The following DCLK1 variants were observed in gnomAD, a reference collection of about 807,000 sequenced individuals.
The protein encoded by DCLK1 is doublecortin like kinase 1.
Under a neutral mutation model 86.2 loss-of-function variants are expected in DCLK1, and 16 were observed. The observed-to-expected ratio is 0.19, with a 90% CI of 0.13 to 0.28. The LOEUF is 0.28. Ranked by LOEUF, DCLK1 falls within the 10% of genes least tolerant of loss-of-function variation. The pLI is 1.00. For missense variants in DCLK1, 590 were observed against 940.2 expected (o/e 0.63, Z 4.87); for synonymous variants, 369 against 370.5 (o/e 1.00, Z 0.05).
chr13:35,995,855 T>TTG (rs1365763060), intron 3 of DCLK1, among the ~76,000 whole-genome samples: 1 of 152,218 alleles, frequency 6.6e-6, no homozygotes, highest in Non-Finnish European at 1.5e-5. Flanking sequence ...AGCAATAAGA[T>TTG]TACAACAGTT....
intron 6 of DCLK1, chr13:35,850,745 A>T: frequency 6.2e-7 from 1 of 1,604,022 alleles, no homozygotes; most frequent in Non-Finnish European, 8.5e-7. Context: ...TACTGAATCC[A>T]AGTCATCCGA....
intron 3 of DCLK1, among the ~76,000 whole-genome samples, chr13:36,103,459 T>C (rs6563344): frequency 0.6 from 89,586 of 149,238 alleles, 27,434 homozygotes; most frequent in East Asian, 0.86. Context: ...TGAGCAAGGG[T>C]CATCTTCTCA....
intron 15 of DCLK1, among the ~76,000 whole-genome samples, chr13:35,793,838 A>G (rs1458536141): frequency 1.3e-5 from 2 of 152,208 alleles, no homozygotes; most frequent in Admixed American, 6.5e-5. Context: ...TTCAATGTGA[A>G]CATCTTCTTT....
intron 3 of DCLK1, among the ~76,000 whole-genome samples, chr13:36,078,961 G>C (rs1045059343): frequency 1.3e-5 from 2 of 152,100 alleles, no homozygotes; most frequent in Non-Finnish European, 2.9e-5. Flanking sequence ...GGGGGATGGT[G>C]GACAGATACT....
intron 3 of DCLK1, among the ~76,000 whole-genome samples, chr13:36,036,109 G>C (rs1440748026): frequency 6.6e-6 from 1 of 152,110 alleles, no homozygotes; most frequent in Non-Finnish European, 1.5e-5. Context: ...GCCCATCAGT[G>C]TGCCATGTCA....
chr13:35,939,224 C>T (rs1408404632), intron 4 of DCLK1, among the ~76,000 whole-genome samples: 5 of 152,094 alleles, frequency 3.3e-5, no homozygotes, highest in East Asian at 1.9e-4. Flanking sequence ...GCCCTGTATT[C>T]GGAACACAAA....
chr13:35,937,464 C>G (rs1256438761), intron 4 of DCLK1, among the ~76,000 whole-genome samples: 1 of 152,100 alleles, frequency 6.6e-6, no homozygotes, highest in African/African-American at 2.4e-5. Context: ...AGTCATCAAC[C>G]CTCCCCTTGT....
chr13:36,089,192 C>G (rs1015026289), intron 3 of DCLK1, among the ~76,000 whole-genome samples: 2 of 152,154 alleles, frequency 1.3e-5, no homozygotes, highest in Non-Finnish European at 2.9e-5. Flanking sequence ...GGCCTGATTT[C>G]TGCCCCATTT....
intron 3 of DCLK1, among the ~76,000 whole-genome samples, chr13:36,008,108 T>C (rs1418214547): frequency 6.7e-6 from 1 of 149,896 alleles, no homozygotes; most frequent in Non-Finnish European, 1.5e-5. Context: ...ACTAACAGGA[T>C]GCTATTTTTA....
Position 36,065,689 on chromosome 13 carries a change from G to A in DCLK1, c.723+46180C>T, listed in dbSNP as rs1365925460. Among the ~76,000 whole-genome samples the A allele has an allele frequency of 1.3e-5, 2 of 151,810 alleles. 1 individual carries two copies. Among genetic ancestry groups the A allele is most frequent in the Non-Finnish European group, 2.9e-5 (2 of 67,942 alleles). On this transcript the variant is annotated intron_variant, in intron 3 of 16. Coordinates refer to ENST00000360631, the MANE Select transcript of DCLK1 (RefSeq NM_001330071.2). ...CTGTCACACCACATCCTAAAATAAGGTCAGCTAGAGACTAAAGGTGACTAA... is the reference window on the plus strand; with the variant it reads ...CTGTCACACCACATCCTAAAATAAGATCAGCTAGAGACTAAAGGTGACTAA...
intron 3 of DCLK1, among the ~76,000 whole-genome samples, chr13:36,070,356 C>T (rs937689514): frequency 2.6e-5 from 4 of 152,156 alleles, no homozygotes; most frequent in East Asian, 1.9e-4. Flanking sequence ...ACTCTATAAA[C>T]GTAAACTAGT....
chr13:35,816,969 C>T (rs1566547925), intron 11 of DCLK1, among the ~76,000 whole-genome samples: 1 of 152,276 alleles, frequency 6.6e-6, no homozygotes, highest in East Asian at 1.9e-4. Context: ...ACCAAATTGC[C>T]TCTCTGACAG....
chr13:36,056,906 AATAT>A (rs1555359542), intron 3 of DCLK1, among the ~76,000 whole-genome samples: 120 of 130,084 alleles, frequency 9.2e-4, no homozygotes, highest in Middle Eastern at 4.3e-3. Flanking sequence ...AAAAAAAAAA[AATAT>A]ATATATATAT....
At chr13:35,961,215 A>G (rs1231201420) in intron 3 of DCLK1, among the ~76,000 whole-genome samples, 3 of 152,220 alleles carry the variant, frequency 2.0e-5, no homozygotes, top group African/African-American at 7.2e-5. Flanking sequence ...GATGATTGAA[A>G]GAATTTGATG....
intron 3 of DCLK1, among the ~76,000 whole-genome samples, chr13:35,984,261 G>A (rs574058627): frequency 1.3e-5 from 2 of 152,162 alleles, no homozygotes; most frequent in Non-Finnish European, 2.9e-5. Context: ...TTAATAAAAC[G>A]GAATCCTCTG....
intron 4 of DCLK1, among the ~76,000 whole-genome samples, chr13:35,916,075 G>A (rs947768824): frequency 1.3e-5 from 2 of 152,152 alleles, no homozygotes; most frequent in African/African-American, 4.8e-5. Context: ...TGCGTGATGA[G>A]GCACTTACCT....
chr13:36,056,260 T>G (rs1330278057), intron 3 of DCLK1, among the ~76,000 whole-genome samples: 2 of 95,344 alleles, frequency 2.1e-5, no homozygotes, highest in Non-Finnish European at 2.1e-5. Flanking sequence ...ATGTGGCACA[T>G]ATACACCATG....
rs560768143 is a variant in DCLK1, at chr13:36,014,080, C to T, written c.724-66623G>A. 1.2e-3 allele frequency among the ~76,000 whole-genome samples: 179 copies of T among 152,308 alleles called. 1 individual carries two copies. Among genetic ancestry groups the T allele is most frequent in the Non-Finnish European group, 1.1e-3 (78 of 68,024 alleles). ...CCTGCTTCGGCTCGCGCACGGTGCG[C>T]GCACCCACTGGCCTGCGCCCACTGT... On this transcript the variant is annotated intron_variant, in intron 3 of 16. Transcript: ENST00000360631.
chr13:35,975,185 G>C (rs1161823959), intron 3 of DCLK1, among the ~76,000 whole-genome samples: 2 of 152,220 alleles, frequency 1.3e-5, no homozygotes, highest in African/African-American at 2.4e-5. Context: ...CCAGGAGCAG[G>C]AGGGCAGGTG....
Sources: gnomAD v4.1 joint callset for allele counts (sites outside exome capture counted in the v4.1 genomes callset) on GRCh38, gnomAD v4.1.1 for gene constraint, MANE v1.5 for transcripts, NCBI Gene and HGNC (gene_info 2026-07-23, HGNC 2026-07-21) for gene names.